Variants in THSD4 observed in about 807,000 individuals in gnomAD.
THSD4 encodes thrombospondin type 1 domain containing 4.
In THSD4, 69 loss-of-function variants were observed where a neutral mutation model predicts 119.0. That is an observed-to-expected ratio of 0.58 (90% CI 0.48 to 0.71). The LOEUF (loss-of-function observed/expected upper bound fraction) is 0.71, where lower values mean the gene tolerates loss of function less well. Among genes scored for constraint, THSD4 ranks in the 30% least tolerant of loss-of-function variants. The pLI is 0.00. For synonymous variants in THSD4, 524 were observed against 540.4 expected, an observed-to-expected ratio of 0.97 and a Z score of 0.42; for missense variants, 1,393 against 1,391.1, an observed-to-expected ratio of 1.00 and a Z score of -0.02.
At chr15:71,255,098 C>T (rs2044300327) in intron 5 of THSD4, among the ~76,000 whole-genome samples, 1 of 152,178 alleles carries the variant, frequency 6.6e-6, no homozygotes, top group African/African-American at 2.4e-5. Context: ...ATTTCTGATA[C>T]ATACAGTAGA....
intron 6 of THSD4, among the ~76,000 whole-genome samples, chr15:71,319,869 C>T (rs1220003944): frequency 2.0e-5 from 3 of 152,084 alleles, no homozygotes; most frequent in Non-Finnish European, 2.9e-5. Flanking sequence ...GTTACAAACA[C>T]GTGATTAAGC....
chr15:71,338,512 C>T (rs918821688), intron 6 of THSD4, among the ~76,000 whole-genome samples: 1 of 152,118 alleles, frequency 6.6e-6, no homozygotes, highest in Non-Finnish European at 1.5e-5. Context: ...ATCTACTCTG[C>T]AGTGAGGTTC....
chr15:71,514,187 G>A (rs180861165), intron 7 of THSD4, among the ~76,000 whole-genome samples: 11 of 152,308 alleles, frequency 7.2e-5, no homozygotes, highest in Non-Finnish European at 1.5e-4. Context: ...CACAGCAGCT[G>A]GGGAGCAGAA....
chr15:71,723,090 TA>T (rs917906982), intron 8 of THSD4, among the ~76,000 whole-genome samples: 5 of 150,736 alleles, frequency 3.3e-5, no homozygotes, highest in African/African-American at 9.8e-5. Context: ...TTTCTCTATT[TA>T]AAAAAAAATG....
chr15:71,550,726 G>T (rs1179150109), intron 7 of THSD4, among the ~76,000 whole-genome samples: 1 of 152,158 alleles, frequency 6.6e-6, no homozygotes, highest in Non-Finnish European at 1.5e-5. Flanking sequence ...AGGCGTGGAT[G>T]TTCTTTAATT....
At chr15:71,616,245 C>T (rs1460650414) in intron 7 of THSD4, among the ~76,000 whole-genome samples, 1 of 152,130 alleles carries the variant, frequency 6.6e-6, no homozygotes, top group Non-Finnish European at 1.5e-5. Flanking sequence ...AAAATTGGAA[C>T]TGACCTTCAG....
intron 6 of THSD4, among the ~76,000 whole-genome samples, chr15:71,333,061 T>A (rs1426006663): frequency 6.6e-6 from 1 of 151,866 alleles, no homozygotes; most frequent in Admixed American, 6.6e-5. Flanking sequence ...TCCCCCCTTT[T>A]AGGCCTCCCT....
intron 6 of THSD4, among the ~76,000 whole-genome samples, chr15:71,279,894 A>G (rs1402910408): frequency 6.6e-6 from 1 of 152,190 alleles, no homozygotes; most frequent in East Asian, 1.9e-4. Flanking sequence ...CAATGGGCAA[A>G]GGACACAACC....
At chr15:71,121,494 T>C (rs1567131185) in intron 1 of THSD4, among the ~76,000 whole-genome samples, 1 of 152,122 alleles carries the variant, frequency 6.6e-6, no homozygotes, top group Non-Finnish European at 1.5e-5. Flanking sequence ...TTGATTGATC[T>C]CCCTTGTTTG....
At chr15:71,366,213 A>G (rs1456381134) in intron 6 of THSD4, among the ~76,000 whole-genome samples, 1 of 152,122 alleles carries the variant, frequency 6.6e-6, no homozygotes, top group Non-Finnish European at 1.5e-5. Context: ...AGCTGGGACT[A>G]CAGGCACCCG....
At chr15:71,172,723 A>G (rs2043391557) in intron 3 of THSD4, among the ~76,000 whole-genome samples, 1 of 116,198 alleles carries the variant, frequency 8.6e-6, no homozygotes, top group African/African-American at 4.1e-5. Flanking sequence ...ATATATATAT[A>G]TATATATATA....
intron 8 of THSD4, among the ~76,000 whole-genome samples, chr15:71,687,484 C>T (rs1328582568): frequency 6.6e-6 from 1 of 152,108 alleles, no homozygotes; most frequent in Non-Finnish European, 1.5e-5. Flanking sequence ...GGCCAGGCGC[C>T]ATTGCTCACA....
chr15:71,372,497 A>G (rs970885791), intron 6 of THSD4, among the ~76,000 whole-genome samples: 2 of 152,248 alleles, frequency 1.3e-5, no homozygotes, highest in Non-Finnish European at 2.9e-5. Context: ...TCCTTCTAAC[A>G]GTCAGTACCC....
intron 7 of THSD4, among the ~76,000 whole-genome samples, chr15:71,431,139 G>A (rs1188762764): frequency 6.6e-6 from 1 of 152,150 alleles, no homozygotes; most frequent in Admixed American, 6.5e-5. Context: ...TAAACTTTAA[G>A]AGGAATAAAA....
chr15:71,450,999 G>A lies in THSD4; in HGVS notation c.1152+39176G>A, dbSNP rs528168213. Among the ~76,000 whole-genome samples, 47 of 152,244 alleles carry A rather than the reference G, an allele frequency of 3.1e-4. No homozygotes were observed. The East Asian group carries it at 6.8e-3, about 22-fold the overall frequency. On this transcript the variant is annotated intron_variant, in intron 7 of 17. Transcript: ENST00000261862. Reference sequence around the variant, plus strand: ...TTGAGACCAGCCTGGTCAACATGGCGAAACACCGTCTCCACTAAAAATGCA... The same window carrying A: ...TTGAGACCAGCCTGGTCAACATGGCAAAACACCGTCTCCACTAAAAATGCA...
chr15:71,501,685 A>T (rs112835701), intron 7 of THSD4, among the ~76,000 whole-genome samples: 2,136 of 152,174 alleles, frequency 0.014, 18 homozygotes, highest in Middle Eastern at 0.051. Context: ...ATTTGAATTT[A>T]AAAATGCAAA....
intron 6 of THSD4, among the ~76,000 whole-genome samples, chr15:71,335,612 G>A (rs1189338114): frequency 6.6e-6 from 1 of 152,110 alleles, no homozygotes; most frequent in African/African-American, 2.4e-5. Flanking sequence ...AGGTATGTGT[G>A]CCATGCTTTT....
intron 7 of THSD4, among the ~76,000 whole-genome samples, chr15:71,527,242 A>G (rs755195978): frequency 6.6e-6 from 1 of 152,116 alleles, no homozygotes; most frequent in Non-Finnish European, 1.5e-5. Flanking sequence ...AGCCTCCAGA[A>G]CTGGGAGAAA....
chr15:71,764,199 T>C (rs1362542257), intron 15 of THSD4, among the ~76,000 whole-genome samples: 1 of 152,192 alleles, frequency 6.6e-6, no homozygotes, highest in Non-Finnish European at 1.5e-5. Flanking sequence ...TGAGCCATGA[T>C]CACACCACTA....
Sources: gnomAD v4.1 joint callset for allele counts (sites outside exome capture counted in the v4.1 genomes callset) on GRCh38, gnomAD v4.1.1 for gene constraint, MANE v1.5 for transcripts, NCBI Gene and HGNC (gene_info 2026-07-23, HGNC 2026-07-21) for gene names.